Variants in REEP5 observed in about 807,000 individuals in gnomAD.
The protein encoded by REEP5 is receptor expression-enhancing protein 5.
In REEP5, 24 loss-of-function variants were observed where a neutral mutation model predicts 22.4. The ratio of observed to expected loss-of-function variants is 1.07; its 90% CI spans 0.78 to 1.51. The LOEUF (loss-of-function observed/expected upper bound fraction) is 1.51. REEP5 is among the 40% of genes most tolerant of loss of function. REEP5 has a pLI of 0.00. For synonymous variants in REEP5, 103 were observed against 88.6 expected, an observed-to-expected ratio of 1.16 and a Z score of -0.92; for missense variants, 252 against 233.0, an observed-to-expected ratio of 1.08 and a Z score of -0.53.
intron 2 of REEP5, among the ~76,000 whole-genome samples, chr5:112,906,454 T>C (rs1217736488): frequency 6.6e-6 from 1 of 152,256 alleles, no homozygotes; most frequent in African/African-American, 2.4e-5. Context: ...ATACATACAA[T>C]AGGAGGTCAC....
chr5:112,891,603 G>C (rs771952927), intron 3 of REEP5: 3 of 1,565,684 alleles, frequency 1.9e-6, no homozygotes, highest in African/African-American at 2.7e-5. Flanking sequence ...ATTCCCATAG[G>C]TTAAGAATGT....
intron 2 of REEP5, among the ~76,000 whole-genome samples, chr5:112,914,683 G>A (rs905347027): frequency 3.3e-5 from 5 of 152,122 alleles, no homozygotes; most frequent in African/African-American, 1.2e-4. Context: ...CTTAGAAGGG[G>A]AACAACCTAA....
At chr5:112,911,938 A>G (rs934060112) in intron 2 of REEP5, among the ~76,000 whole-genome samples, 1 of 152,182 alleles carries the variant, frequency 6.6e-6, no homozygotes, top group Admixed American at 6.5e-5. Context: ...AAATGAAAGA[A>G]AATACTCTTA....
At chr5:112,908,260 C>T (rs971757948) in intron 2 of REEP5, among the ~76,000 whole-genome samples, 3 of 151,816 alleles carry the variant, frequency 2.0e-5, no homozygotes, top group African/African-American at 7.3e-5. Context: ...GCCACCACGC[C>T]CCGCTAGTTT....
chr5:112,913,895 A>C (rs1272738334), intron 2 of REEP5, among the ~76,000 whole-genome samples: 1 of 149,058 alleles, frequency 6.7e-6, no homozygotes, highest in Non-Finnish European at 1.5e-5. Flanking sequence ...AACATTTTAT[A>C]ACTCAAAACT....
intron 2 of REEP5, among the ~76,000 whole-genome samples, chr5:112,919,432 C>G (rs1290696006): frequency 6.6e-6 from 1 of 150,924 alleles, no homozygotes; most frequent in Non-Finnish European, 1.5e-5. Flanking sequence ...CCTGTAATCC[C>G]AGCTACTAGG....
chr5:112,883,454 C>A (rs1351356537), intron 4 of REEP5, among the ~76,000 whole-genome samples: 3 of 152,168 alleles, frequency 2.0e-5, no homozygotes, highest in South Asian at 4.1e-4. Context: ...GGATACCACA[C>A]GCTCATGGTT....
intron 3 of REEP5, among the ~76,000 whole-genome samples, chr5:112,887,530 T>A (rs909380887): frequency 6.6e-6 from 1 of 152,210 alleles, no homozygotes; most frequent in Admixed American, 6.5e-5. Flanking sequence ...ATAGTACTTA[T>A]CTGCATGTAT....
chr5:112,921,114 G>A (rs529613592), intron 2 of REEP5, 49 bp downstream of exon 2: 11 of 1,565,490 alleles, frequency 7.0e-6, no homozygotes, highest in East Asian at 2.2e-5. Context: ...CAGCCCTGCG[G>A]GGAGGAATGG....
intron 3 of REEP5, chr5:112,891,840 G>T: frequency 6.4e-7 from 1 of 1,559,888 alleles, no homozygotes; most frequent in East Asian, 2.2e-5. Context: ...AAGAAGAGAA[G>T]CTATTGGAAA....
intron 4 of REEP5, among the ~76,000 whole-genome samples, chr5:112,881,729 T>G (rs1364880717): frequency 6.6e-6 from 1 of 152,154 alleles, no homozygotes; most frequent in East Asian, 1.9e-4. Flanking sequence ...CTTGAAGATT[T>G]TAGCTCCTAA....
At chr5:112,881,959 A>T (rs1413777047) in intron 4 of REEP5, 3 of 149,318 alleles carry the variant, frequency 2.0e-5, no homozygotes, top group Admixed American at 1.3e-4. Flanking sequence ...TTTTGTAGAG[A>T]CTGGGTTTCA....
intron 2 of REEP5, among the ~76,000 whole-genome samples, chr5:112,918,740 C>A (rs1375654336): frequency 6.6e-6 from 1 of 152,206 alleles, no homozygotes; most frequent in Non-Finnish European, 1.5e-5. Flanking sequence ...ACTGACCCTA[C>A]CTGCTGGCAC....
intron 4 of REEP5, among the ~76,000 whole-genome samples, chr5:112,882,507 C>A (rs1768111336): frequency 6.6e-6 from 1 of 152,160 alleles, no homozygotes; most frequent in Admixed American, 6.5e-5. Flanking sequence ...GTAGCTATAC[C>A]CATGTAGCTG....
intron 4 of REEP5, among the ~76,000 whole-genome samples, chr5:112,879,685 C>T (rs926848203): frequency 2.0e-5 from 3 of 151,998 alleles, no homozygotes; most frequent in Non-Finnish European, 4.4e-5. Flanking sequence ...ACTGTGTTAG[C>T]CAGGATGGTC....
intron 2 of REEP5, among the ~76,000 whole-genome samples, chr5:112,908,101 G>GTTTTTTTTT (rs1047059353): frequency 1.2e-5 from 1 of 83,890 alleles, no homozygotes; most frequent in Admixed American, 1.2e-4. Flanking sequence ...TTTGTTTTTT[G>GTTTTTTTTT]TTTTTTTTTT....
chr5:112,895,844 C>T (rs575508452), intron 3 of REEP5: 34 of 152,320 alleles, frequency 2.2e-4, no homozygotes, highest in African/African-American at 8.2e-4. Context: ...CCTCAAAGTG[C>T]CAGCTGATGA....
chr5:112,917,864 G>A (rs558496516), intron 2 of REEP5, among the ~76,000 whole-genome samples: 1 of 152,336 alleles, frequency 6.6e-6, no homozygotes, highest in African/African-American at 2.4e-5. Flanking sequence ...GGAATAGGGA[G>A]TGATTGGTGA....
intron 3 of REEP5, chr5:112,892,214 G>A (rs965261027): frequency 1.2e-6 from 2 of 1,614,122 alleles, no homozygotes; most frequent in Non-Finnish European, 1.7e-6. Flanking sequence ...GGAGACAGAT[G>A]TTCACGTAAA....
Sources: allele counts gnomAD v4.1 joint callset (sites outside exome capture counted in the v4.1 genomes callset), GRCh38; gene constraint gnomAD v4.1.1; transcripts MANE v1.5; gene names NCBI Gene and HGNC (gene_info 2026-07-23, HGNC 2026-07-21).